Variants in ADRA1B observed in about 807,000 individuals in gnomAD.
The protein encoded by ADRA1B is adrenoceptor alpha 1B, also known as alpha-1B adrenergic receptor.
Under a neutral mutation model 17.9 loss-of-function variants are expected in ADRA1B, and 17 were observed. That is an observed-to-expected ratio of 0.95 (90% CI 0.65 to 1.42). ADRA1B has a LOEUF of 1.42. Ranked by LOEUF, ADRA1B falls within the 40% of genes most tolerant of loss-of-function variation. The pLI is 0.00. For synonymous variants in ADRA1B, 366 were observed against 327.6 expected (o/e 1.12, Z -1.27); for missense variants, 681 against 722.1 (o/e 0.94, Z 0.65).
chr5:159,932,436 G>A (rs2072484980), intron 1 of ADRA1B, among the ~76,000 whole-genome samples: 1 of 152,186 alleles, frequency 6.6e-6, no homozygotes, highest in Admixed American at 6.5e-5. Context: ...GGGATTACAA[G>A]CATGAGCCAC....
intron 1 of ADRA1B, among the ~76,000 whole-genome samples, chr5:159,910,481 G>T (rs1754216798): frequency 6.6e-6 from 1 of 152,096 alleles, no homozygotes; most frequent in Admixed American, 6.5e-5. Context: ...CCTCTTTCTG[G>T]GCCTTCTGTG....
At chr5:159,870,867 A>G (rs1345757517) in intron 1 of ADRA1B, 2 of 152,210 alleles carry the variant, frequency 1.3e-5, no homozygotes, top group South Asian at 2.1e-4. Flanking sequence ...AAGAAATCCA[A>G]TACAGTCACT....
intron 1 of ADRA1B, among the ~76,000 whole-genome samples, chr5:159,879,597 C>G (rs1350048053): frequency 6.6e-6 from 1 of 152,174 alleles, no homozygotes; most frequent in Non-Finnish European, 1.5e-5. Context: ...CTGTGCATAT[C>G]TACCTGCATG....
chr5:159,950,874 A>G, intron 1 of ADRA1B: 1 of 590,266 alleles, frequency 1.7e-6, no homozygotes, highest in East Asian at 3.8e-5. Flanking sequence ...GTGCCAGTAG[A>G]GGCAGGGGTG....
At chr5:159,889,574 G>C (rs1010535982) in intron 1 of ADRA1B, among the ~76,000 whole-genome samples, 1 of 152,140 alleles carries the variant, frequency 6.6e-6, no homozygotes, top group Non-Finnish European at 1.5e-5. Flanking sequence ...AAGAAGTAGA[G>C]ACAGAGAGGT....
In ADRA1B at chr5:159,939,252, G is replaced by GGAGAGA. The variant is rs67704328; in HGVS notation, c.949+21420_949+21425dup. The stretch of plus-strand genomic sequence containing the variant: ...ATTCTCAGAGGCTCCTTTCTTTGAA[G>GGAGAGA]GAGAGAGAGAGAGAGAGAGAGAGAG... On this transcript the variant is annotated intron_variant, in intron 1 of 1. Coordinates refer to ENST00000306675, the MANE Select transcript of ADRA1B (RefSeq NM_000679.4). 6.3e-3 allele frequency among the ~76,000 whole-genome samples: 623 copies of GGAGAGA among 99,638 alleles called. 8 individuals carry two copies. Among genetic ancestry groups the GGAGAGA allele is most frequent in the East Asian group, 0.033 (59 of 1,814 alleles). 65.4% of individuals were successfully genotyped at this position (99,638 alleles called of 152,430 possible). A position where few individuals can be genotyped will look rare whatever the true frequency, so the allele number is the denominator to read the frequency against.
intron 1 of ADRA1B, among the ~76,000 whole-genome samples, chr5:159,882,193 C>A (rs1286824514): frequency 6.6e-6 from 1 of 152,102 alleles, no homozygotes. Context: ...TTAATAGACT[C>A]GTAGGCTAGA....
chr5:159,977,494 T>C (rs1205433668), downstream of ADRA1B, among the ~76,000 whole-genome samples: 3 of 152,220 alleles, frequency 2.0e-5, no homozygotes, highest in African/African-American at 7.2e-5. Context: ...GGTGAAGTGC[T>C]CCAGGCTCTT....
intron 1 of ADRA1B, among the ~76,000 whole-genome samples, chr5:159,967,916 A>G (rs572734688): frequency 1.3e-5 from 2 of 152,136 alleles, no homozygotes; most frequent in Non-Finnish European, 2.9e-5. Flanking sequence ...TGGTGCTTCC[A>G]GTGTGATGAA....
In ADRA1B at chr5:159,917,867, C is replaced by T; in HGVS notation, c.949+13C>T. On this transcript the variant is annotated intron_variant, in intron 1 of 1. Coordinates refer to ENST00000306675, the MANE Select transcript of ADRA1B (RefSeq NM_000679.4). ...GCTCTACCGCTTGGTAAGTTGGGGA[C>T]TAGCAGCAGGGGGACTGGGCATTTT... 4 of 1,581,870 alleles carry T rather than the reference C, an allele frequency of 2.5e-6. No individual in the cohort carries two copies. Among genetic ancestry groups the T allele is most frequent in the Non-Finnish European group, 3.4e-6 (4 of 1,166,554 alleles).
At chr5:159,953,850 C>T (rs953949988) in intron 1 of ADRA1B, among the ~76,000 whole-genome samples, 7 of 151,832 alleles carry the variant, frequency 4.6e-5, no homozygotes, top group African/African-American at 1.7e-4. Flanking sequence ...AAAACCTATG[C>T]CAAATTGAGA....
chr5:159,971,667 G>A (rs1006559252), intron 1 of ADRA1B, among the ~76,000 whole-genome samples: 1 of 152,206 alleles, frequency 6.6e-6, no homozygotes, highest in African/African-American at 2.4e-5. Context: ...CAAAGGCGAA[G>A]TTATTGAGGC....
At chr5:159,901,526 G>A (rs1364827892) in intron 1 of ADRA1B, among the ~76,000 whole-genome samples, 1 of 152,036 alleles carries the variant, frequency 6.6e-6, no homozygotes, top group East Asian at 1.9e-4. Flanking sequence ...TTTAATTTCT[G>A]TATAGTTCAA....
chr5:159,969,939 A>G (rs1167121515), intron 1 of ADRA1B, among the ~76,000 whole-genome samples: 1 of 152,150 alleles, frequency 6.6e-6, no homozygotes, highest in African/African-American at 2.4e-5. Context: ...TTTTTTTAAA[A>G]AAAAAACACA....
intron 1 of ADRA1B, among the ~76,000 whole-genome samples, chr5:159,892,639 C>A (rs1581022136): frequency 6.6e-6 from 1 of 152,212 alleles, no homozygotes; most frequent in African/African-American, 2.4e-5. Context: ...CCAGCTCCAT[C>A]CATGTCCCTG....
At chr5:159,980,088 CAA>C in the ADRA1B span, among the ~76,000 whole-genome samples, 8 of 151,804 alleles carry the variant, frequency 5.3e-5, no homozygotes, top group Non-Finnish European at 8.8e-5. Context: ...CACTGGGCAG[CAA>C]AAGAGAAAGG....
chr5:159,982,349 G>A, the ADRA1B span, among the ~76,000 whole-genome samples: 6 of 152,082 alleles, frequency 3.9e-5, no homozygotes, highest in Admixed American at 6.6e-5. Flanking sequence ...GGAGTCAGAG[G>A]GCATAAAGCC....
chr5:159,974,176 A>G (rs905839508), downstream of ADRA1B, among the ~76,000 whole-genome samples: 1 of 142,510 alleles, frequency 7.0e-6, no homozygotes, highest in East Asian at 1.9e-4. Flanking sequence ...CAAGTTACTC[A>G]CAGTCTCTTA....
chr5:159,985,148 C>T, the ADRA1B span, among the ~76,000 whole-genome samples: 1 of 152,236 alleles, frequency 6.6e-6, no homozygotes, highest in South Asian at 2.1e-4. Flanking sequence ...TCTGCCTGTG[C>T]TCATTCCAGA....
Sources: allele counts gnomAD v4.1 joint callset (sites outside exome capture counted in the v4.1 genomes callset), GRCh38; gene constraint gnomAD v4.1.1; transcripts MANE v1.5; gene names NCBI Gene and HGNC (gene_info 2026-07-23, HGNC 2026-07-21).